SBF2: variants seen among roughly 807,000 people sequenced by gnomAD.
The protein encoded by SBF2 is SET binding factor 2, also known as myotubularin-related protein 13.
SBF2 carries 112 observed loss-of-function variants against 225.2 expected under a neutral mutation model. That is an observed-to-expected ratio of 0.50 (90% CI 0.43 to 0.58). The LOEUF is 0.58. Among genes scored for constraint, SBF2 ranks in the 20% least tolerant of loss-of-function variants. The pLI is 0.00. For synonymous variants in SBF2, 763 were observed against 773.3 expected (o/e 0.99, Z 0.22); for missense variants, 1,996 against 2,206.2 (o/e 0.90, Z 1.91).
chr11:10,107,878 G>T (rs1214789460), intron 2 of SBF2, among the ~76,000 whole-genome samples: 1 of 152,088 alleles, frequency 6.6e-6, no homozygotes, highest in Non-Finnish European at 1.5e-5. Context: ...CATCTTTTGG[G>T]GTGGGGACAC....
chr11:9,943,057 G>C (rs996454845), intron 16 of SBF2, among the ~76,000 whole-genome samples: 3 of 152,104 alleles, frequency 2.0e-5, no homozygotes, highest in Non-Finnish European at 2.9e-5. Context: ...CGAATGAACT[G>C]AATAGAAATC....
chr11:10,252,387 G>A (rs1437445604), intron 1 of SBF2, among the ~76,000 whole-genome samples: 4 of 152,194 alleles, frequency 2.6e-5, no homozygotes, highest in Admixed American at 2.6e-4. Flanking sequence ...AGCTTAATAT[G>A]CAGACAAGAC....
At chr11:10,105,003 T>C (rs1952486966) in intron 2 of SBF2, among the ~76,000 whole-genome samples, 1 of 152,246 alleles carries the variant, frequency 6.6e-6, no homozygotes, top group African/African-American at 2.4e-5. Flanking sequence ...AATATTTTGT[T>C]AAGGATATTT....
intron 16 of SBF2, chr11:9,959,691 T>G (rs1866430644): frequency 5.5e-6 from 4 of 723,716 alleles, no homozygotes; most frequent in Non-Finnish European, 1.0e-5. Context: ...TACCATCGAT[T>G]CAGATATACA....
At chr11:9,914,087 G>T (rs1481190059) in intron 16 of SBF2, among the ~76,000 whole-genome samples, 1 of 152,164 alleles carries the variant, frequency 6.6e-6, no homozygotes, top group Non-Finnish European at 1.5e-5. Flanking sequence ...CAAAAACATA[G>T]ACTGAAGAGA....
intron 17 of SBF2, among the ~76,000 whole-genome samples, chr11:9,889,021 T>C (rs1393198820): frequency 2.6e-5 from 4 of 152,192 alleles, no homozygotes; most frequent in Admixed American, 1.3e-4. Flanking sequence ...CTGTGTTCTG[T>C]TAGGTAAATG....
At chr11:10,187,452 G>A (rs1241606210) in intron 2 of SBF2, among the ~76,000 whole-genome samples, 1 of 152,080 alleles carries the variant, frequency 6.6e-6, no homozygotes, top group East Asian at 1.9e-4. Context: ...GTAGATAACT[G>A]CCTGGTAGCA....
At chr11:9,962,155 C>T (rs948773531) in intron 15 of SBF2, 49 bp from the exon 16 acceptor site, 1 of 1,535,522 alleles carries the variant, frequency 6.5e-7, no homozygotes, top group Admixed American at 1.7e-5. Context: ...CTGGGGGAAA[C>T]AACAACTTTC....
chr11:9,933,653 T>C (rs1864668938), intron 16 of SBF2, among the ~76,000 whole-genome samples: 1 of 152,146 alleles, frequency 6.6e-6, no homozygotes, highest in Non-Finnish European at 1.5e-5. Flanking sequence ...GGGGCGCATT[T>C]AAAGCAGTGT....
chr11:10,208,292 A>C (rs1957811496), intron 1 of SBF2, among the ~76,000 whole-genome samples: 1 of 152,114 alleles, frequency 6.6e-6, no homozygotes, highest in Non-Finnish European at 1.5e-5. Flanking sequence ...AAGCAGACCA[A>C]AATCTCCTCC....
intron 6 of SBF2, among the ~76,000 whole-genome samples, chr11:10,019,111 C>T (rs1205465479): frequency 6.6e-6 from 1 of 152,022 alleles, no homozygotes. Flanking sequence ...GTGATTTGTT[C>T]ATCTTTATAT....
In SBF2 at chr11:10,268,567, C is replaced by A. The variant is rs112796304; in HGVS notation, c.55+25448G>T. 3.5e-3 allele frequency among the ~76,000 whole-genome samples: 526 copies of A among 152,294 alleles called. 4 individuals are homozygous for A. Among genetic ancestry groups the A allele is most frequent in the African/African-American group, 0.012 (501 of 41,556 alleles). ...ACAACACAAATTCTTTCTCCTAACT[C>A]AGTCTGTTAGGAAAATCACCAAAAG... On this transcript the variant is annotated intron_variant, in intron 1 of 39. Transcript: ENST00000256190.
intron 28 of SBF2, 53 bp downstream of exon 28, chr11:9,829,303 G>A (rs1855241587): frequency 6.3e-7 from 1 of 1,576,562 alleles, no homozygotes; most frequent in Admixed American, 1.7e-5. Context: ...CCTAGGAACA[G>A]AACTGACCTT....
At chr11:9,995,792 G>A (rs1947671009) in intron 9 of SBF2, among the ~76,000 whole-genome samples, 1 of 150,288 alleles carries the variant, frequency 6.7e-6, no homozygotes, top group Non-Finnish European at 1.5e-5. Context: ...TGGGATTACA[G>A]GTGTGCACCA....
At position 9,832,610 on chromosome 11, in the gene SBF2, A is replaced by C. The variant is rs576175687; in HGVS notation, c.3456-190T>G. On this transcript the variant is annotated intron_variant, in intron 26 of 39. Transcript: ENST00000256190. ...TATATTTATTTTCTTTTTTAATTTT[A>C]TTTTTATTTTTGTAGAGACAGGGTC... 9.2e-5 allele frequency among the ~76,000 whole-genome samples: 14 copies of C among 152,228 alleles called. No individual in the cohort carries two copies. In the South Asian group the frequency reaches 2.1e-3, roughly 23 times the overall value.
chr11:10,060,888 C>T (rs148715536), intron 2 of SBF2, among the ~76,000 whole-genome samples: 151 of 152,040 alleles, frequency 9.9e-4, no homozygotes, highest in African/African-American at 3.0e-3. Flanking sequence ...ATTAGCCAGG[C>T]GTGGTAGTGG....
chr11:10,117,755 C>T (rs1026498832), intron 2 of SBF2, among the ~76,000 whole-genome samples: 1 of 148,700 alleles, frequency 6.7e-6, no homozygotes, highest in Admixed American at 6.7e-5. Context: ...CTCTTGGGTG[C>T]TATTTCCATG....
At chr11:10,060,908 G>C (rs938377482) in intron 2 of SBF2, among the ~76,000 whole-genome samples, 2 of 152,028 alleles carry the variant, frequency 1.3e-5, no homozygotes, top group African/African-American at 4.8e-5. Context: ...GGCACCTGTA[G>C]TCCCAGCTAC....
At chr11:9,992,803 T>G (rs1325819200) in intron 11 of SBF2, among the ~76,000 whole-genome samples, 187 bp downstream of exon 11, 1 of 133,294 alleles carries the variant, frequency 7.5e-6, no homozygotes, top group Admixed American at 8.5e-5. Flanking sequence ...TGATTTAAAG[T>G]TAACATATTC....
Sources: allele counts gnomAD v4.1 joint callset (sites outside exome capture counted in the v4.1 genomes callset), GRCh38; gene constraint gnomAD v4.1.1; transcripts MANE v1.5; gene names NCBI Gene and HGNC (gene_info 2026-07-23, HGNC 2026-07-21).